R3HDM2: variants seen among roughly 807,000 people sequenced by gnomAD.
R3HDM2 encodes the protein R3H domain-containing protein 2.
Under a neutral mutation model 124.5 loss-of-function variants are expected in R3HDM2, and 38 were observed. The observed-to-expected ratio is 0.31, with a 90% CI of 0.24 to 0.40. R3HDM2 has a LOEUF of 0.40. R3HDM2 is among the 10% of genes least tolerant of loss of function. The pLI, the probability that R3HDM2 is intolerant of heterozygous loss-of-function variation, is 1.00. For synonymous variants in R3HDM2, 391 were observed against 448.0 expected, an observed-to-expected ratio of 0.87 and a Z score of 1.61; for missense variants, 869 against 1,236.9, an observed-to-expected ratio of 0.70 and a Z score of 4.46.
chr12:57,428,743 C>T (rs1261429793), intron 1 of R3HDM2, among the ~76,000 whole-genome samples: 5 of 117,188 alleles, frequency 4.3e-5, no homozygotes, highest in Non-Finnish European at 7.6e-5. Flanking sequence ...ATTAGGCATG[C>T]TATTATTTTT....
At chr12:57,317,709 G>C (rs1159906364) in intron 2 of R3HDM2, among the ~76,000 whole-genome samples, 1 of 150,754 alleles carries the variant, frequency 6.6e-6, no homozygotes, top group African/African-American at 2.4e-5. Flanking sequence ...ACAGAGGAAC[G>C]GGCCAGGCCG....
chr12:57,320,979 T>C (rs1264777191), intron 2 of R3HDM2, among the ~76,000 whole-genome samples: 3 of 152,204 alleles, frequency 2.0e-5, no homozygotes, highest in African/African-American at 7.2e-5. Flanking sequence ...CCTGTACTAA[T>C]TTGTTTATCA....
intron 2 of R3HDM2, among the ~76,000 whole-genome samples, chr12:57,311,732 T>G (rs960223129): frequency 2.6e-5 from 4 of 152,206 alleles, no homozygotes; most frequent in African/African-American, 9.7e-5. Flanking sequence ...TTTGTAGACA[T>G]CTGTCCTTCA....
chr12:57,351,504 A>G (rs1308053379), intron 2 of R3HDM2, among the ~76,000 whole-genome samples: 1 of 152,236 alleles, frequency 6.6e-6, no homozygotes, highest in East Asian at 1.9e-4. Flanking sequence ...CATGTAGCAG[A>G]TGGAGAATTC....
intron 3 of R3HDM2, among the ~76,000 whole-genome samples, chr12:57,309,700 GT>G (rs1199606763): frequency 2.6e-5 from 4 of 152,150 alleles, no homozygotes; most frequent in Non-Finnish European, 5.9e-5. Context: ...TTTGTGTACA[GT>G]TTATTTTTTG....
chr12:57,255,178 C>T, intron 23 of R3HDM2, 65 bp from the exon 24 acceptor site: 8 of 1,350,306 alleles, frequency 5.9e-6, no homozygotes, highest in Non-Finnish European at 8.2e-6. Context: ...TGACAGCAGC[C>T]CAGCAGAGAA....
intron 1 of R3HDM2, among the ~76,000 whole-genome samples, chr12:57,420,985 C>T (rs1016694281): frequency 2.6e-5 from 4 of 151,932 alleles, no homozygotes; most frequent in Admixed American, 6.6e-5. Context: ...TGTTCCCAAA[C>T]GTGCATCTTC....
chr12:57,401,658 C>T (rs1349622180), intron 1 of R3HDM2, among the ~76,000 whole-genome samples: 1 of 152,174 alleles, frequency 6.6e-6, no homozygotes, highest in African/African-American at 2.4e-5. Context: ...ATCATGTAAT[C>T]ACTATGATGA....
intron 17 of R3HDM2, chr12:57,268,684 C>T (rs1484878718): frequency 1.4e-6 from 1 of 689,684 alleles, no homozygotes; most frequent in African/African-American, 1.8e-5. Flanking sequence ...AGCCTGATTT[C>T]CTTTAGCCAC....
chr12:57,405,917 G>C (rs747824506), intron 1 of R3HDM2, among the ~76,000 whole-genome samples: 5 of 152,126 alleles, frequency 3.3e-5, no homozygotes, highest in African/African-American at 1.2e-4. Context: ...TGTCAGACCA[G>C]AAAGCAAGGA....
chr12:57,323,896 C>T (rs1006760549), intron 2 of R3HDM2, among the ~76,000 whole-genome samples: 1 of 152,136 alleles, frequency 6.6e-6, no homozygotes, highest in African/African-American at 2.4e-5. Context: ...CTTCCATTTC[C>T]TCTAGCTTTA....
chr12:57,338,067 G>A (rs2059095087), intron 2 of R3HDM2, among the ~76,000 whole-genome samples: 2 of 152,232 alleles, frequency 1.3e-5, no homozygotes, highest in South Asian at 4.1e-4. Flanking sequence ...TCTTTGTGAG[G>A]CTGAGATGGG....
chr12:57,375,393 A>G (rs1490199697), intron 2 of R3HDM2, among the ~76,000 whole-genome samples: 1 of 152,226 alleles, frequency 6.6e-6, no homozygotes, highest in East Asian at 1.9e-4. Context: ...TGTTCAGTAT[A>G]AACTGCAAAC....
At chr12:57,376,667 G>C (rs371111779) in intron 2 of R3HDM2, among the ~76,000 whole-genome samples, 17 of 151,946 alleles carry the variant, frequency 1.1e-4, no homozygotes, top group East Asian at 7.7e-4. Context: ...TAGAAATATG[G>C]GGACGGGGGC....
chr12:57,313,082 T>C (rs1189384798), intron 2 of R3HDM2, among the ~76,000 whole-genome samples: 1 of 152,162 alleles, frequency 6.6e-6, no homozygotes, highest in East Asian at 1.9e-4. Context: ...AAAACAGTTA[T>C]AACCTATAGA....
chr12:57,407,531 G>C (rs753829947), intron 1 of R3HDM2, among the ~76,000 whole-genome samples: 1 of 150,184 alleles, frequency 6.7e-6, no homozygotes, highest in Non-Finnish European at 1.5e-5. Context: ...TCAGCCTCCC[G>C]AGTAGCTGGA....
At chr12:57,424,361 T>C (rs2070506686) in intron 1 of R3HDM2, among the ~76,000 whole-genome samples, 1 of 151,824 alleles carries the variant, frequency 6.6e-6, no homozygotes, top group Non-Finnish European at 1.5e-5. Flanking sequence ...GGGGTTTCAT[T>C]ATGTTAGCCA....
intron 2 of R3HDM2, among the ~76,000 whole-genome samples, chr12:57,357,363 G>T (rs894754127): frequency 2.0e-5 from 3 of 151,620 alleles, no homozygotes; most frequent in Admixed American, 6.6e-5. Flanking sequence ...TTGGAAGGCT[G>T]AGGCAGGAGA....
intron 3 of R3HDM2, among the ~76,000 whole-genome samples, chr12:57,308,530 C>T (rs1054292824): frequency 2.0e-5 from 3 of 151,446 alleles, no homozygotes; most frequent in Non-Finnish European, 2.9e-5. Context: ...ACTAAAAATA[C>T]AAAAAATTAG....
Sources: gnomAD v4.1 joint callset for allele counts (sites outside exome capture counted in the v4.1 genomes callset) on GRCh38, gnomAD v4.1.1 for gene constraint, MANE v1.5 for transcripts, NCBI Gene and HGNC (gene_info 2026-07-23, HGNC 2026-07-21) for gene names.